The following HIVEP2 variants were observed in gnomAD, a reference collection of about 807,000 sequenced individuals.
The protein encoded by HIVEP2 is transcription factor HIVEP2.
HIVEP2 carries 14 observed loss-of-function variants against 180.7 expected under a neutral mutation model. The observed-to-expected ratio is 0.08, with a 90% confidence interval of 0.05 to 0.12. HIVEP2 has a LOEUF of 0.12. Ranked by LOEUF, HIVEP2 falls within the 10% of genes least tolerant of loss-of-function variation. HIVEP2 has a pLI of 1.00. For missense variants in HIVEP2, 2,579 were observed against 3,008.5 expected, an observed-to-expected ratio of 0.86 and a Z score of 3.34; for synonymous variants, 1,184 against 1,136.4, an observed-to-expected ratio of 1.04 and a Z score of -0.84.
chr6:142,859,646 T>C (rs4492208), intron 1 of HIVEP2, among the ~76,000 whole-genome samples: 26,810 of 151,222 alleles, frequency 0.18, 2,552 homozygotes, highest in South Asian at 0.22. Context: ...CCAGTCTGGC[T>C]AACATGGCGA....
At chr6:142,788,255 T>C (rs1034055712) in intron 2 of HIVEP2, 1 of 152,030 alleles carries the variant, frequency 6.6e-6, no homozygotes, top group Non-Finnish European at 1.5e-5. Flanking sequence ...CATGTATACA[T>C]ATGTAACAAA....
Position 142,774,535 on chromosome 6 carries a change from T to C in HIVEP2, c.204A>G (p.Lys68=), listed in dbSNP as rs764027428. ...TASAQLFGSG[K]LASPSEVVQQ... is the part of the protein sequence containing the mutation. ...GCACCACTTCACTAGGGGAGGCCAG[T>C]TTCCCAGAACCAAACAGTTGTGCTG... The change falls in exon 5 of 10, where the codon AAA becomes AAG. Residue 68 remains lysine, a synonymous_variant. Coordinates refer to ENST00000367603, the MANE Select transcript of HIVEP2 (RefSeq NM_006734.4). The surrounding 1 kb of genome is among the most constrained non-coding windows in gnomAD (Gnocchi z 5.1). 7.0e-5 allele frequency: 113 copies of C among 1,614,056 alleles called. No homozygotes were observed. The highest frequency in any genetic ancestry group is 9.1e-5 in the Non-Finnish European group (107 of 1,180,028).
chr6:142,887,311 GAAGA>G (rs757847089), intron 1 of HIVEP2, among the ~76,000 whole-genome samples: 6 of 151,850 alleles, frequency 4.0e-5, no homozygotes, highest in Admixed American at 2.0e-4. Context: ...ATTTGCCAAA[GAAGA>G]AAGAATGTAT....
At chr6:142,923,330 C>CAAA (rs1160261854) in intron 1 of HIVEP2, among the ~76,000 whole-genome samples, 1 of 118,332 alleles carries the variant, frequency 8.5e-6, no homozygotes, top group Non-Finnish European at 1.8e-5. Flanking sequence ...GACTCCGTCT[C>CAAA]AAAAAAAAAA....
chr6:142,929,207 C>T (rs575917868), intron 1 of HIVEP2, among the ~76,000 whole-genome samples: 56 of 152,306 alleles, frequency 3.7e-4, no homozygotes, highest in African/African-American at 1.3e-3. Context: ...TGTGACTCCC[C>T]AAATACTGCC....
chr6:142,773,326 A>G lies in HIVEP2; in HGVS notation c.1413T>C (p.Phe471=). 1 of 1,614,154 alleles carries G rather than the reference A, an allele frequency of 6.2e-7. No individual in the cohort carries two copies. The highest frequency in any genetic ancestry group is 1.1e-5 in the South Asian group (1 of 91,072). ...HVNTRLDVKM[F]EDPVSQLIPS... is the part of the protein sequence containing the mutation. ...GGATCAGCTGTGAAACAGGATCTTC[A>G]AACATCTTGACATCTAACCTGGTGT... The change falls in exon 5 of 10, where the codon TTT becomes TTC. Residue 471 remains phenylalanine (F), a synonymous_variant. Coordinates refer to ENST00000367603, the MANE Select transcript of HIVEP2 (RefSeq NM_006734.4).
intron 2 of HIVEP2, among the ~76,000 whole-genome samples, chr6:142,815,576 A>G (rs1401212353): frequency 6.6e-6 from 1 of 152,178 alleles, no homozygotes; most frequent in Non-Finnish European, 1.5e-5. Flanking sequence ...TTTCTAACAT[A>G]GATTAATCTT....
At chr6:142,796,011 G>C (rs511565) in intron 2 of HIVEP2, among the ~76,000 whole-genome samples, 118,908 of 152,026 alleles carry the variant, frequency 0.78, 47,050 homozygotes, top group Non-Finnish European at 0.85. Context: ...ACTCTATGGG[G>C]GAGCCCACGT....
chr6:142,900,635 G>A (rs946144789), intron 1 of HIVEP2, among the ~76,000 whole-genome samples: 5 of 152,212 alleles, frequency 3.3e-5, no homozygotes, highest in Non-Finnish European at 5.9e-5. Context: ...GAGAGAGGGA[G>A]AAGAGCATTT....
At position 142,760,142 on chromosome 6, in the gene HIVEP2, C is replaced by A. The variant is rs1391973040; in HGVS notation, c.6146G>T (p.Gly2049Val). Reference sequence around the variant, plus strand: ...ATCTCGACAGGGTGAAGAATCATATCCTGGAGAGGAATGGTGGCTTGAGGG... The same window carrying A: ...ATCTCGACAGGGTGAAGAATCATATACTGGAGAGGAATGGTGGCTTGAGGG... ...FSPSSHHSSPGYDSSPCRDNS... is the reference protein window; with the variant it reads ...FSPSSHHSSPVYDSSPCRDNS... Residue 2049 changes from glycine (G) to valine (V), a missense_variant, in exon 9 of 10, where the codon GGA becomes GTA. Around this residue, in one of 11 missense-constraint regions of HIVEP2, gnomAD observed 660 missense variants for 731.7 expected, o/e 0.90. Transcript: ENST00000367603. 18 of 1,613,990 alleles carry A rather than the reference C, an allele frequency of 1.1e-5. No homozygotes were observed. The highest frequency in any genetic ancestry group is 1.5e-5 in the Non-Finnish European group (18 of 1,180,024).
rs560525167 is a variant in HIVEP2, at chr6:142,810,631, G to A, written c.-528+26304C>T. Among the ~76,000 whole-genome samples the A allele has an allele frequency of 1.3e-5, 2 of 151,984 alleles. 1 individual carries two copies. The highest frequency in any genetic ancestry group is 4.2e-4 in the South Asian group (2 of 4,810). On this transcript the variant is annotated intron_variant, in intron 2 of 9. Transcript: ENST00000367603. ...ACAAAAATTAGCCGGGCATGGTGGT[G>A]CATACTTGTAATCCCAGCTACTCAT... is the stretch of plus-strand genomic sequence containing the variant.
rs572019533 is a variant in HIVEP2, at chr6:142,934,330, A to G, written c.-641+10769T>C. 5.3e-5 allele frequency among the ~76,000 whole-genome samples: 8 copies of G among 152,354 alleles called. No homozygotes were observed. The South Asian group carries it at 1.7e-3, about 32-fold the overall frequency. ...AGAAATAATGAAATATAACAGAGGTACAGCCTCTTGGCCTGAATCCTTTTG... is the reference window on the plus strand; with the variant it reads ...AGAAATAATGAAATATAACAGAGGTGCAGCCTCTTGGCCTGAATCCTTTTG... On this transcript the variant is annotated intron_variant, in intron 1 of 9. Transcript: ENST00000367603.
chr6:142,886,088 A>G (rs1776691252), intron 1 of HIVEP2, among the ~76,000 whole-genome samples: 2 of 152,180 alleles, frequency 1.3e-5, no homozygotes, highest in Admixed American at 1.3e-4. Flanking sequence ...TGCCCACTGT[A>G]TTTGCAGTTA....
At chr6:142,850,003 A>C (rs2114921857) in intron 1 of HIVEP2, among the ~76,000 whole-genome samples, 1 of 152,332 alleles carries the variant, frequency 6.6e-6, no homozygotes, top group South Asian at 2.1e-4. Context: ...TCAGACACAA[A>C]TCAGGTCAAA....
At chr6:142,902,725 T>C (rs1187395089) in intron 1 of HIVEP2, among the ~76,000 whole-genome samples, 2 of 152,206 alleles carry the variant, frequency 1.3e-5, no homozygotes, top group Non-Finnish European at 2.9e-5. Flanking sequence ...GGCAGCTATT[T>C]AAATAGGCTT....
At chr6:142,923,869 C>T (rs1777738446) in intron 1 of HIVEP2, among the ~76,000 whole-genome samples, 1 of 152,190 alleles carries the variant, frequency 6.6e-6, no homozygotes, top group Non-Finnish European at 1.5e-5. Context: ...ATCAAAGATC[C>T]TGTTAGGCAA....
chr6:142,760,003 T>C lies in HIVEP2; in HGVS notation c.6285A>G (p.Ala2095=), dbSNP rs1363136128. 5.6e-6 allele frequency: 9 copies of C among 1,613,948 alleles called. No individual in the cohort carries two copies. Among genetic ancestry groups the C allele is most frequent in the African/African-American group, 5.3e-5 (4 of 74,914 alleles). ...MRHLSPRKEA[A]LRREMSQRDV... ...CTCTTTGGGACATCTCTCTTCTCAA[T>C]GCAGCTTCCTTTCTTGGTGAAAGAT... Residue 2095 remains alanine, a synonymous_variant, in exon 9 of 10, where the codon GCA becomes GCG. Transcript: ENST00000367603.
chr6:142,873,644 C>A (rs184639817), intron 1 of HIVEP2, among the ~76,000 whole-genome samples: 2 of 152,076 alleles, frequency 1.3e-5, no homozygotes, highest in Non-Finnish European at 2.9e-5. Flanking sequence ...ACACCATTTG[C>A]GTATACTGAA....
In HIVEP2 at chr6:142,772,309, T is replaced by C. The variant is rs200102218; in HGVS notation, c.2430A>G (p.Arg810=). Residue 810 remains arginine, a synonymous_variant, in exon 5 of 10, where the codon CGA becomes CGG. Coordinates refer to ENST00000367603, the MANE Select transcript of HIVEP2 (RefSeq NM_006734.4). The surrounding 1 kb of genome is among the most constrained non-coding windows in gnomAD (Gnocchi z 4.9). ...SVIQHTNSLS[R]PNSFERSESA... ...ACTCAGACCTTTCAAATGAATTGGG[T>C]CGGCTCAGTGAGTTGGTGTGCTGAA... 267 of 1,614,032 alleles carry C rather than the reference T, an allele frequency of 1.7e-4. No homozygotes were observed. The highest frequency in any genetic ancestry group is 2.2e-4 in the Non-Finnish European group (263 of 1,180,034).
Sources: allele counts gnomAD v4.1 joint callset (sites outside exome capture counted in the v4.1 genomes callset), GRCh38; gene constraint gnomAD v4.1.1; regional missense constraint gnomAD v4.1.1; non-coding constraint Gnocchi (gnomAD v3.1); transcripts MANE v1.5; gene names NCBI Gene and HGNC (gene_info 2026-07-23, HGNC 2026-07-21).